MON2: variants seen among roughly 807,000 people sequenced by gnomAD.
The protein encoded by MON2 is MON2 regulator of endosome-to-Golgi trafficking.
MON2 carries 84 observed loss-of-function variants against 208.6 expected under a neutral mutation model. That is an observed-to-expected ratio of 0.40 (90% CI 0.34 to 0.48). The LOEUF (loss-of-function observed/expected upper bound fraction) is 0.48. MON2 is among the 20% of genes least tolerant of loss of function. The probability of loss-of-function intolerance (pLI) is 0.59; values close to 1 mark genes in which losing one functional copy is unlikely to be tolerated. For missense variants in MON2, 1,611 were observed against 2,015.4 expected, an observed-to-expected ratio of 0.80 and a Z score of 3.84; for synonymous variants, 660 against 694.0, an observed-to-expected ratio of 0.95 and a Z score of 0.77.
chr12:62,543,603 T>C (rs1414546036), intron 20 of MON2, among the ~76,000 whole-genome samples: 2 of 152,062 alleles, frequency 1.3e-5, no homozygotes, highest in Non-Finnish European at 2.9e-5. Flanking sequence ...GATAGCTTTT[T>C]TTTTTCTCTC....
Position 62,581,009 on chromosome 12 carries a change from GTTATA to G in MON2, c.4699+594_4699+598del, listed in dbSNP as rs1457938065. 3.3e-5 allele frequency among the ~76,000 whole-genome samples: 5 copies of G among 152,246 alleles called. No homozygotes were observed. The East Asian group carries it at 9.7e-4, about 29-fold the overall frequency. On this transcript the variant is annotated intron_variant, in intron 32 of 34. Transcript: ENST00000393630. ...TATGTACAAGATACTATGCTAGAAT[GTTATA>G]TTATTTCTCACAACATTTCTGTGAG...
intron 8 of MON2, among the ~76,000 whole-genome samples, chr12:62,521,239 C>T (rs12300513): frequency 0.12 from 18,248 of 152,046 alleles, 1,093 homozygotes; most frequent in South Asian, 0.19. Context: ...GAATTCCTGA[C>T]CTCAAGTGAT....
chr12:62,494,919 C>A, intron 3 of MON2, 97 bp from the exon 4 acceptor site: 3 of 800,586 alleles, frequency 3.7e-6, no homozygotes, highest in South Asian at 2.8e-5. Flanking sequence ...TCAAGAAATC[C>A]TCTTCAGCTG....
intron 2 of MON2, among the ~76,000 whole-genome samples, chr12:62,492,429 T>A (rs1464345642): frequency 1.5e-5 from 2 of 137,228 alleles, no homozygotes; most frequent in Non-Finnish European, 3.0e-5. Flanking sequence ...CGGACTGCGG[T>A]GGCGCAATCT....
intron 29 of MON2, among the ~76,000 whole-genome samples, chr12:62,568,527 C>G (rs1389520282): frequency 6.6e-6 from 1 of 151,990 alleles, no homozygotes; most frequent in Non-Finnish European, 1.5e-5. Context: ...TTTATAGAGA[C>G]TGGATCTTGC....
intron 22 of MON2, among the ~76,000 whole-genome samples, chr12:62,548,933 A>G (rs1415780840): frequency 6.6e-6 from 1 of 152,166 alleles, no homozygotes; most frequent in Admixed American, 6.5e-5. Context: ...CAGTACGGAT[A>G]TAAAAGAATG....
Position 62,594,773 on chromosome 12 carries a change from CA to C in MON2, c.*2025del, listed in dbSNP as rs1362353534. On this transcript the variant is annotated 3_prime_UTR_variant, in exon 35 of 35. Transcript: ENST00000393630. ...CAGGACCATGCCCTACAGTTCAAAA[CA>C]TAAACATAGTGAATGTGTTAATATC... 3.3e-5 allele frequency: 5 copies of C among 152,206 alleles called. No homozygotes were observed. Among genetic ancestry groups the C allele is most frequent in the Admixed American group, 3.3e-4 (5 of 15,284 alleles). 9.4% of individuals were successfully genotyped at this position (152,206 alleles called of 1,614,324 possible).
At chr12:62,570,722 CTTTTT>C (rs1192680038) in intron 29 of MON2, among the ~76,000 whole-genome samples, 1 of 70,814 alleles carries the variant, frequency 1.4e-5, no homozygotes, top group East Asian at 4.2e-4. Context: ...TTTTCTTTTT[CTTTTT>C]TTTTTTTTTT....
Sources: gnomAD v4.1 joint callset for allele counts (sites outside exome capture counted in the v4.1 genomes callset) on GRCh38, gnomAD v4.1.1 for gene constraint, MANE v1.5 for transcripts, NCBI Gene and HGNC (gene_info 2026-07-23, HGNC 2026-07-21) for gene names.